Variants in UBA5 observed in about 807,000 individuals in gnomAD.
The protein encoded by UBA5 is ubiquitin like modifier activating enzyme 5, also known as ubiquitin-like modifier-activating enzyme 5.
UBA5 carries 28 observed loss-of-function variants against 52.9 expected under a neutral mutation model. That is an observed-to-expected ratio of 0.53 (90% confidence interval 0.39 to 0.73). The LOEUF (loss-of-function observed/expected upper bound fraction) is 0.73. Among genes scored for constraint, UBA5 ranks in the 30% least tolerant of loss-of-function variants. The pLI is 0.00. For missense variants in UBA5, 388 were observed against 492.7 expected (o/e 0.79, Z 2.01); for synonymous variants, 135 against 162.1 (o/e 0.83, Z 1.27).
chr3:132,666,008 A>G lies in UBA5; in HGVS notation c.232A>G (p.Ile78Val). ...GAAAATCCGTACCTTTGCCGTAGCA[A>G]TAGTAGGTGTTGGTGGAGTAGGTAG... ...YEKIRTFAVA[I>V]VGVGGVGSVT... Residue 78 changes from isoleucine (I) to valine (V), a missense_variant, in exon 3 of 12, where the codon ATA (isoleucine) becomes GTA (valine). Physicochemically the swap from Ile to Val is conservative, Grantham distance 29. This residue lies in a region of UBA5 where 95 missense variants were observed against 107.0 expected (regional missense o/e 0.89). Transcript: ENST00000356232. The G allele has an allele frequency of 6.2e-7, 1 of 1,613,646 alleles. No individual in the cohort carries two copies. The highest frequency in any genetic ancestry group is 2.2e-5 in the East Asian group (1 of 44,862).
At position 132,670,947 on chromosome 3, in the gene UBA5, C is replaced by T. The variant is rs370353916; in HGVS notation, c.495-18C>T. 5.2e-5 allele frequency: 84 copies of T among 1,604,536 alleles called. No individual in the cohort carries two copies. In the South Asian group the frequency reaches 6.7e-4, roughly 13 times the overall value. On this transcript the variant is annotated intron_variant, in intron 5 of 11. Transcript: ENST00000356232. ...ATTTTGTGTCCTGATGTTTTTCAAA[C>T]TTATTTTCTTTGACTAGTAATGGTG...
upstream of UBA5, among the ~76,000 whole-genome samples, chr3:132,656,767 C>T (rs1367779077): frequency 2.0e-5 from 3 of 152,208 alleles, no homozygotes; most frequent in East Asian, 5.8e-4. Context: ...GCTGGGATTA[C>T]AGGCATGAGC....
At chr3:132,660,126 T>C, upstream of UBA5, 1 of 338,844 alleles carries the variant, frequency 3.0e-6, no homozygotes, top group East Asian at 6.0e-5. This position sits in a 1 kb window ranked among gnomAD's most constrained non-coding sequence, Gnocchi z 4.1. Context: ...AGGGTCCCGT[T>C]CAGAAAAAGG....
Position 132,660,344 on chromosome 3 carries a change from C to T in UBA5, c.-194C>T. The T allele has an allele frequency of 1.5e-6, 1 of 674,310 alleles. No individual in the cohort carries two copies. The highest frequency in any genetic ancestry group is 3.0e-5 in the Admixed American group (1 of 33,514). The allele number at this position is 674,310 out of a possible 1,614,324, so 41.8% of individuals were successfully genotyped here. ...TGTCTGCGACGCACCGGAAGCGGCT[C>T]CGAGGAAGGCCTGTGGGAGTCTCGG... is the stretch of plus-strand genomic sequence containing the variant. On this transcript the variant is annotated 5_prime_UTR_variant, in exon 1 of 12. Coordinates refer to ENST00000356232, the MANE Select transcript of UBA5 (RefSeq NM_024818.6). The surrounding 1 kb of genome is among the most constrained non-coding windows in gnomAD (Gnocchi z 4.1).
chr3:132,663,223 A>G (rs185390986), intron 1 of UBA5, among the ~76,000 whole-genome samples: 3 of 152,284 alleles, frequency 2.0e-5, no homozygotes, highest in Non-Finnish European at 2.9e-5. Flanking sequence ...GCAGAACTTC[A>G]GGTAGGGCTA....
intron 6 of UBA5, 59 bp from the exon 7 acceptor site, chr3:132,671,718 G>A: frequency 1.5e-6 from 2 of 1,354,602 alleles, no homozygotes; most frequent in Non-Finnish European, 2.1e-6. Flanking sequence ...AGAATTTATT[G>A]TAAATTACTT....
At chr3:132,658,072 A>G (rs965823780), upstream of UBA5, among the ~76,000 whole-genome samples, 2 of 152,070 alleles carry the variant, frequency 1.3e-5, no homozygotes, top group African/African-American at 2.4e-5. Context: ...CATGTTGGCC[A>G]GGCTGGTCTT....
At chr3:132,674,597 T>C (rs2107948771) in intron 8 of UBA5, among the ~76,000 whole-genome samples, 2 of 151,982 alleles carry the variant, frequency 1.3e-5, no homozygotes, top group South Asian at 2.1e-4. Context: ...GAGGCTGAGA[T>C]GGGATTGCTT....
chr3:132,665,624 C>T (rs1938345370), intron 1 of UBA5, 199 bp from the exon 2 acceptor site: 2 of 561,628 alleles, frequency 3.6e-6, no homozygotes, highest in Admixed American at 3.3e-5. Flanking sequence ...TCATATGCTA[C>T]ACTTGGGAGA....
chr3:132,671,933 TA>T (rs775252380), intron 7 of UBA5, 52 bp downstream of exon 7: 5 of 1,600,998 alleles, frequency 3.1e-6, no homozygotes, highest in Middle Eastern at 3.3e-4. Context: ...CTTGAGTTCT[TA>T]GGGGCATTGA....
At position 132,672,074 on chromosome 3, in the gene UBA5, G is replaced by A; in HGVS notation, c.709G>A (p.Ala237Thr). The change falls in exon 8 of 12, where the codon GCA becomes ACA. Residue 237 changes from alanine to threonine, a missense_variant. Transcript: ENST00000356232. The part of the protein sequence containing the change: ...FACAPPLVVA[A>T]NIDEKTLKRE... ...GTGTGCTCCACCACTTGTAGTTGCT[G>A]CAAATATTGATGAAAAGACTCTGAA... 1.2e-6 allele frequency: 2 copies of A among 1,613,826 alleles called. No homozygotes were observed. The highest frequency in any genetic ancestry group is 1.7e-6 in the Non-Finnish European group (2 of 1,179,930).
intron 1 of UBA5, among the ~76,000 whole-genome samples, chr3:132,661,677 G>A (rs1938173896): frequency 6.6e-6 from 1 of 152,178 alleles, no homozygotes; most frequent in African/African-American, 2.4e-5. Flanking sequence ...TCTTGCATTA[G>A]ATTTGTCTTA....
intron 1 of UBA5, among the ~76,000 whole-genome samples, chr3:132,665,001 G>A (rs181087687): frequency 3.9e-5 from 6 of 152,156 alleles, no homozygotes; most frequent in Admixed American, 1.3e-4. Context: ...TTAGAGGAAA[G>A]GGTAAGTTTT....
intron 1 of UBA5, among the ~76,000 whole-genome samples, chr3:132,664,258 AC>A (rs1370753391): frequency 2.6e-5 from 4 of 152,184 alleles, no homozygotes; most frequent in Non-Finnish European, 5.9e-5. Context: ...CTGGAGCAAT[AC>A]CTTAAAATGT....
rs1258749131 is a variant in UBA5 at position 132,678,209 on chromosome 3, A to G, written c.*1683A>G. The G allele has an allele frequency of 6.6e-6, 1 of 152,136 alleles. No individual in the cohort carries two copies. The highest frequency in any genetic ancestry group is 1.5e-5 in the Non-Finnish European group (1 of 68,030). 9.4% of individuals were successfully genotyped at this position (152,136 alleles called of 1,614,324 possible). On this transcript the variant is annotated 3_prime_UTR_variant, in exon 12 of 12. Transcript: ENST00000356232. ...TAATTGACCTAACTTTTTTTGTCTA[A>G]TATCTTTCATTAAAAACAATTGGAT...
chr3:132,661,869 T>C (rs1027392273), intron 1 of UBA5, among the ~76,000 whole-genome samples: 1 of 152,234 alleles, frequency 6.6e-6, no homozygotes, highest in Non-Finnish European at 1.5e-5. Context: ...GTAGAAGTCT[T>C]AGGGTGCACT....
upstream of UBA5, chr3:132,659,687 C>T: frequency 6.2e-7 from 1 of 1,611,434 alleles, no homozygotes; most frequent in Non-Finnish European, 8.5e-7. Flanking sequence ...CAGGGACTTG[C>T]TGTCGAACTT....
chr3:132,668,570 A>T, intron 3 of UBA5: 1 of 235,648 alleles, frequency 4.2e-6, no homozygotes, highest in Non-Finnish European at 8.2e-6. Context: ...TCCCATTTTC[A>T]CTTCATATTA....
At position 132,660,470 on chromosome 3, in the gene UBA5, C is replaced by A. The variant is rs3749272; in HGVS notation, c.-68C>A. ...CCCACGTACCCCTCGCGGGCCCAGCCGAGCAACGTGGGGCGAAGGCGGCGG... is the reference window on the plus strand; with the variant it reads ...CCCACGTACCCCTCGCGGGCCCAGCAGAGCAACGTGGGGCGAAGGCGGCGG... On this transcript the variant is annotated 5_prime_UTR_variant, in exon 1 of 12. Coordinates refer to ENST00000356232, the MANE Select transcript of UBA5 (RefSeq NM_024818.6). The surrounding 1 kb of genome is among the most constrained non-coding windows in gnomAD (Gnocchi z 4.1). The A allele has an allele frequency of 0.03, 45,860 of 1,534,068 alleles. 1,166 individuals are homozygous for A. Among genetic ancestry groups the A allele is most frequent in the East Asian group, 0.11 (4,608 of 40,790 alleles).
Sources: gnomAD v4.1 joint callset for allele counts (sites outside exome capture counted in the v4.1 genomes callset) on GRCh38, gnomAD v4.1.1 for gene constraint, gnomAD v4.1.1 regional missense constraint, Gnocchi (gnomAD v3.1) non-coding constraint, MANE v1.5 for transcripts, NCBI Gene and HGNC (gene_info 2026-07-23, HGNC 2026-07-21) for gene names.